GABBR2: variants seen among roughly 807,000 people sequenced by gnomAD.
GABBR2 encodes gamma-aminobutyric acid type B receptor subunit 2.
A neutral mutation model predicts 105.6 loss-of-function variants in GABBR2; 23 were observed. The ratio of observed to expected loss-of-function variants is 0.22; its 90% confidence interval spans 0.16 to 0.31. GABBR2 has a LOEUF of 0.31. GABBR2 is among the 10% of genes least tolerant of loss of function. The pLI, the probability that GABBR2 is intolerant of heterozygous loss-of-function variation, is 1.00. For synonymous variants in GABBR2, 478 were observed against 499.7 expected, an observed-to-expected ratio of 0.96 and a Z score of 0.58; for missense variants, 734 against 1,245.5, an observed-to-expected ratio of 0.59 and a Z score of 6.18.
intron 1 of GABBR2, among the ~76,000 whole-genome samples, chr9:98,669,631 C>T (rs1464895942): frequency 6.6e-6 from 1 of 152,086 alleles, no homozygotes; most frequent in Non-Finnish European, 1.5e-5. Context: ...ATCCTATTAG[C>T]TGTTGTTTTG....
At chr9:98,661,847 G>A (rs1433172849) in intron 1 of GABBR2, among the ~76,000 whole-genome samples, 1 of 152,166 alleles carries the variant, frequency 6.6e-6, no homozygotes, top group Non-Finnish European at 1.5e-5. Flanking sequence ...TCTGGTCTAG[G>A]TTAGGCCCCG....
At chr9:98,574,378 C>T (rs112705723) in intron 2 of GABBR2, among the ~76,000 whole-genome samples, 13 of 152,328 alleles carry the variant, frequency 8.5e-5, no homozygotes, top group African/African-American at 3.1e-4. Flanking sequence ...TTGGGGGATG[C>T]CAGCTGCCTT....
At chr9:98,508,081 G>C (rs886819696) in intron 3 of GABBR2, among the ~76,000 whole-genome samples, 8 of 152,148 alleles carry the variant, frequency 5.3e-5, no homozygotes, top group African/African-American at 1.7e-4. Context: ...TTCCAGACTC[G>C]AGGGACCAAA....
chr9:98,615,313 C>CTGTT (rs1829565792), intron 1 of GABBR2, among the ~76,000 whole-genome samples: 1 of 152,198 alleles, frequency 6.6e-6, no homozygotes, highest in Non-Finnish European at 1.5e-5. Context: ...GAGGAAGGAC[C>CTGTT]ACAAGCCTAT....
chr9:98,410,600 C>G (rs1247934259), intron 7 of GABBR2, among the ~76,000 whole-genome samples: 1 of 148,692 alleles, frequency 6.7e-6, no homozygotes, highest in African/African-American at 2.5e-5. Context: ...GCTTCTGATT[C>G]CTGAACCGTT....
intron 13 of GABBR2, among the ~76,000 whole-genome samples, chr9:98,340,180 G>A (rs1831186005): frequency 8.5e-6 from 1 of 118,330 alleles, no homozygotes. Flanking sequence ...AATCCAGTGA[G>A]GGGTTTTTTT....
At chr9:98,543,977 A>G (rs892880114) in intron 2 of GABBR2, among the ~76,000 whole-genome samples, 2 of 151,950 alleles carry the variant, frequency 1.3e-5, no homozygotes, top group Non-Finnish European at 2.9e-5. Context: ...ATTATAAAAT[A>G]ATTTCTCCAT....
chr9:98,520,441 G>A (rs940138743), intron 3 of GABBR2, among the ~76,000 whole-genome samples: 3 of 152,220 alleles, frequency 2.0e-5, no homozygotes, highest in Non-Finnish European at 1.5e-5. Flanking sequence ...GTGGAGCTTG[G>A]TGACTCCCCA....
intron 11 of GABBR2, 75 bp downstream of exon 11, chr9:98,385,565 A>C: frequency 1.6e-6 from 2 of 1,212,664 alleles, no homozygotes; most frequent in Non-Finnish European, 2.4e-6. Context: ...CTGGGTTTGC[A>C]TCTGTGTTTT....
intron 1 of GABBR2, among the ~76,000 whole-genome samples, chr9:98,655,391 G>A (rs1830165572): frequency 6.6e-6 from 1 of 151,844 alleles, no homozygotes; most frequent in South Asian, 2.1e-4. Flanking sequence ...TAAAAAAAAA[G>A]CCTTTAAAAG....
intron 4 of GABBR2, among the ~76,000 whole-genome samples, chr9:98,481,878 TC>T (rs1826929615): frequency 6.6e-6 from 1 of 152,218 alleles, no homozygotes; most frequent in Non-Finnish European, 1.5e-5. Flanking sequence ...TGTGACTCAT[TC>T]ATTCATTCAA....
intron 1 of GABBR2, among the ~76,000 whole-genome samples, chr9:98,609,270 C>G (rs1829472187): frequency 6.6e-6 from 1 of 152,286 alleles, no homozygotes; most frequent in East Asian, 1.9e-4. Flanking sequence ...CCCCACTCCC[C>G]CTTCCAGCCC....
intron 2 of GABBR2, among the ~76,000 whole-genome samples, chr9:98,548,459 T>C (rs1394512283): frequency 1.7e-5 from 2 of 116,350 alleles, no homozygotes; most frequent in Non-Finnish European, 3.8e-5. Context: ...TTTTCTTTCC[T>C]GCCTAAAAAA....
At chr9:98,439,305 G>A (rs1825989597) in intron 7 of GABBR2, among the ~76,000 whole-genome samples, 1 of 152,190 alleles carries the variant, frequency 6.6e-6, no homozygotes, top group African/African-American at 2.4e-5. Context: ...TGCCTCCTGT[G>A]AGATGACCTG....
At chr9:98,698,211 G>A (rs1830780833) in intron 1 of GABBR2, among the ~76,000 whole-genome samples, 1 of 151,926 alleles carries the variant, frequency 6.6e-6, no homozygotes, top group African/African-American at 2.4e-5. Context: ...CTTGCCAAAT[G>A]GCAGGAGAAG....
In GABBR2 at chr9:98,643,284, C is replaced by T. The variant is rs376744897; in HGVS notation, c.321+65133G>A. On this transcript the variant is annotated intron_variant, in intron 1 of 18. Transcript: ENST00000259455. ...CAACGGCATAGAGAGTGCCCAAGAGCGATGGATGGGGCAGCGACAGGGGTG... is the reference window on the plus strand; with the variant it reads ...CAACGGCATAGAGAGTGCCCAAGAGTGATGGATGGGGCAGCGACAGGGGTG... 2.8e-4 allele frequency among the ~76,000 whole-genome samples: 43 copies of T among 152,296 alleles called. 2 individuals carry two copies. The South Asian group carries it at 8.7e-3, about 31-fold the overall frequency.
At chr9:98,495,403 T>G (rs1827256885) in intron 4 of GABBR2, among the ~76,000 whole-genome samples, 2 of 152,146 alleles carry the variant, frequency 1.3e-5, no homozygotes, top group African/African-American at 4.8e-5. Context: ...GCTAATGACT[T>G]TAAGTGAGGG....
intron 6 of GABBR2, among the ~76,000 whole-genome samples, chr9:98,459,718 G>C (rs1344808893): frequency 6.6e-6 from 1 of 152,210 alleles, no homozygotes; most frequent in Non-Finnish European, 1.5e-5. Flanking sequence ...AAAAATTGGA[G>C]TCCAGGGTCA....
At chr9:98,344,589 GGCTCTCTCTTGACCATCTGCCTGGGGACA>G (rs1831272879) in intron 13 of GABBR2, among the ~76,000 whole-genome samples, 1 of 152,106 alleles carries the variant, frequency 6.6e-6, no homozygotes, top group South Asian at 2.1e-4. Flanking sequence ...ATTTGTGAAT[GGCTCTCTCTTGACCATCTGCCTGGGGACA>G]GCTCTCTCTC....
Sources: gnomAD v4.1 joint callset for allele counts (sites outside exome capture counted in the v4.1 genomes callset) on GRCh38, gnomAD v4.1.1 for gene constraint, MANE v1.5 for transcripts, NCBI Gene and HGNC (gene_info 2026-07-23, HGNC 2026-07-21) for gene names.